The following LRCH4 variants were observed in gnomAD, a reference collection of about 807,000 sequenced individuals.
LRCH4 encodes leucine-rich repeat and calponin homology domain-containing protein 4.
In LRCH4, 56 loss-of-function variants were observed where a neutral mutation model predicts 81.2. The ratio of observed to expected loss-of-function variants is 0.69; its 90% CI spans 0.56 to 0.86. LRCH4 has a LOEUF of 0.86. LRCH4 is among the 40% of genes least tolerant of loss of function. The pLI, the probability that LRCH4 is intolerant of heterozygous loss-of-function variation, is 0.00. For synonymous variants in LRCH4, 442 were observed against 409.7 expected (o/e 1.08, Z -0.95); for missense variants, 895 against 922.8 (o/e 0.97, Z 0.39).
At chr7:100,580,743 C>T (rs1250102485) in intron 4 of LRCH4, 2 of 152,174 alleles carry the variant, frequency 1.3e-5, no homozygotes, top group Non-Finnish European at 2.9e-5. Flanking sequence ...CACACGCACA[C>T]ACACGACATA....
In LRCH4 at chr7:100,577,976, G is replaced by A; in HGVS notation, c.949-64C>T. 1 of 1,432,124 alleles carries A rather than the reference G, an allele frequency of 7.0e-7. No homozygotes were observed. The highest frequency in any genetic ancestry group is 9.8e-7 in the Non-Finnish European group (1 of 1,023,182). 88.7% of individuals were successfully genotyped at this position (1,432,124 alleles called of 1,614,324 possible). On this transcript the variant is annotated intron_variant, in intron 7 of 17. Transcript: ENST00000310300. This position sits in a 1 kb window ranked among gnomAD's most constrained non-coding sequence, Gnocchi z 6.7. ...GTACATGGGGGCTCAGGACCTGGGGGGTCCTGTGTGGGACTAAGCTCAGGG... is the reference window on the plus strand; with the variant it reads ...GTACATGGGGGCTCAGGACCTGGGGAGTCCTGTGTGGGACTAAGCTCAGGG...
chr7:100,576,077 G>C, intron 15 of LRCH4, 69 bp from the exon 16 acceptor site: 1 of 1,531,440 alleles, frequency 6.5e-7, no homozygotes, highest in Non-Finnish European at 8.8e-7. Context: ...GGAGAGTGGG[G>C]GGCTCAGGGC....
chr7:100,585,590 G>A (rs1178579412), intron 1 of LRCH4, among the ~76,000 whole-genome samples: 2 of 152,128 alleles, frequency 1.3e-5, no homozygotes, highest in Non-Finnish European at 2.9e-5. Context: ...AAGCCAACCA[G>A]GTGAGGGGCG....
At position 100,586,112 on chromosome 7, in the gene LRCH4, G is replaced by C. The variant is rs1341601963; in HGVS notation, c.-12C>G. 7 of 1,509,878 alleles carry C rather than the reference G, an allele frequency of 4.6e-6. No homozygotes were observed. Among genetic ancestry groups the C allele is most frequent in the African/African-American group, 1.4e-5 (1 of 71,424 alleles). 93.5% of individuals were successfully genotyped at this position (1,509,878 alleles called of 1,614,324 possible). A position where few individuals can be genotyped will look rare whatever the true frequency, so the allele number is the denominator to read the frequency against. ...ACGGCCGCCGCCATCCGCTCCCGGC[G>C]GCTCCCGCTGCCTGACTGACGGGAC... On this transcript the variant is annotated 5_prime_UTR_variant, in exon 1 of 18. Transcript: ENST00000310300.
rs893024206 is a variant in LRCH4 at position 100,586,089 on chromosome 7, G to T, written c.12C>A (p.Ala4=). 6 of 1,529,280 alleles carry T rather than the reference G, an allele frequency of 3.9e-6. No homozygotes were observed. The highest frequency in any genetic ancestry group is 2.8e-5 in the African/African-American group (2 of 71,842). 94.7% of individuals were successfully genotyped at this position (1,529,280 alleles called of 1,614,324 possible). A position where few individuals can be genotyped will look rare whatever the true frequency, so the allele number is the denominator to read the frequency against. MAA[A]VAAPLAAGGE... ...CCCCGGCGGCGAGTGGAGCCGCTACGGCCGCCGCCATCCGCTCCCGGCGGC... is the reference window on the plus strand; with the variant it reads ...CCCCGGCGGCGAGTGGAGCCGCTACTGCCGCCGCCATCCGCTCCCGGCGGC... Residue 4 remains alanine, a synonymous_variant, in exon 1 of 18, where the codon GCC becomes GCA. Coordinates refer to ENST00000310300, the MANE Select transcript of LRCH4 (RefSeq NM_002319.5).
At position 100,576,946 on chromosome 7, in the gene LRCH4, G is replaced by A. The variant is rs1448246272; in HGVS notation, c.1424C>T (p.Ala475Val). The A allele has an allele frequency of 6.3e-7, 1 of 1,576,654 alleles. No homozygotes were observed. The stretch of plus-strand genomic sequence containing the variant: ...GGGCTCTTGGGAGGCAGGGGCAGGG[G>A]CGGGGGCTCCCTGCCCCGCTGCAGC... ...AGAAAGQGAP[A>V]PAPASQEPLP... Residue 475 changes from alanine to valine, a missense_variant, in exon 13 of 18, where the codon GCC (alanine) becomes GTC (valine). Coordinates refer to ENST00000310300, the MANE Select transcript of LRCH4 (RefSeq NM_002319.5).
In LRCH4 at chr7:100,578,121, C is replaced by A; in HGVS notation, c.948+38G>T. On this transcript the variant is annotated intron_variant, in intron 7 of 17. Coordinates refer to ENST00000310300, the MANE Select transcript of LRCH4 (RefSeq NM_002319.5). This position sits in a 1 kb window ranked among gnomAD's most constrained non-coding sequence, Gnocchi z 5.7. ...CCAGTTCAGAGGTGCTCTCCCAGGGCTGACACCCTCAATCACCCATGGACA... is the reference window on the plus strand; with the variant it reads ...CCAGTTCAGAGGTGCTCTCCCAGGGATGACACCCTCAATCACCCATGGACA... 1.3e-6 allele frequency: 2 copies of A among 1,591,148 alleles called. No homozygotes were observed. Among genetic ancestry groups the A allele is most frequent in the Non-Finnish European group, 1.7e-6 (2 of 1,159,126 alleles).
intron 1 of LRCH4, chr7:100,584,574 G>C (rs1333043363): frequency 5.0e-6 from 2 of 403,870 alleles, no homozygotes; most frequent in African/African-American, 4.1e-5. Context: ...AACAGACAGT[G>C]AGTGTCACAC....
rs770439567 is a variant in LRCH4 at position 100,577,554 on chromosome 7, T to A, written c.1121A>T (p.Gln374Leu). 6.2e-7 allele frequency: 1 copy of A among 1,610,962 alleles called. No individual in the cohort carries two copies. Among genetic ancestry groups the A allele is most frequent in the South Asian group, 1.1e-5 (1 of 91,080 alleles). Reference protein sequence around the residue: ...EDEERGTVEEQRPPELSPGAG... With the variant: ...EDEERGTVEELRPPELSPGAG... ...CCCAGGGCTTAATTCGGGTGGTCGC[T>A]GCTCCTAAGGAGAGAACAGCAGAGC... is the stretch of plus-strand genomic sequence containing the variant. Residue 374 changes from glutamine to leucine, a missense_variant, in exon 10 of 18, where the codon CAG (glutamine) becomes CTG (leucine). Physicochemically the swap from Gln to Leu is moderately radical, Grantham distance 113. This residue lies in a region of LRCH4 where 529 missense variants were observed against 504.9 expected (regional missense o/e 1.05). Transcript: ENST00000310300. This position sits in a 1 kb window ranked among gnomAD's most constrained non-coding sequence, Gnocchi z 6.7.
At chr7:100,585,851 C>T (rs1801723572) in intron 1 of LRCH4, 30 bp downstream of exon 1, 2 of 1,532,238 alleles carry the variant, frequency 1.3e-6, no homozygotes, top group East Asian at 2.4e-5. Context: ...ATGAGGGACC[C>T]GGTTGGGCCC....
Position 100,586,129 on chromosome 7 carries a change from T to A in LRCH4, c.-29A>T, listed in dbSNP as rs764879482. 4 of 1,494,472 alleles carry A rather than the reference T, an allele frequency of 2.7e-6. No individual in the cohort carries two copies. In the South Asian group the frequency reaches 5.2e-5, roughly 19 times the overall value. 92.6% of individuals were successfully genotyped at this position (1,494,472 alleles called of 1,614,324 possible). On this transcript the variant is annotated 5_prime_UTR_variant, in exon 1 of 18. Coordinates refer to ENST00000310300, the MANE Select transcript of LRCH4 (RefSeq NM_002319.5). Reference sequence around the variant, plus strand: ...CTCCCGGCGGCTCCCGCTGCCTGACTGACGGGACCGGCCGTCCCTCCTTCC... The same window carrying A: ...CTCCCGGCGGCTCCCGCTGCCTGACAGACGGGACCGGCCGTCCCTCCTTCC...
chr7:100,575,493 G>T lies in LRCH4; in HGVS notation c.1855-189C>A. On this transcript the variant is annotated intron_variant, in intron 17 of 17. Transcript: ENST00000310300. This position sits in a 1 kb window ranked among gnomAD's most constrained non-coding sequence, Gnocchi z 5.3. ...GCATGTGCAGGACAGGTGACATGCA[G>T]GACAAGATGGGGCCTGCAGGGCAGG... 1 of 825,074 alleles carries T rather than the reference G, an allele frequency of 1.2e-6. No individual in the cohort carries two copies. Among genetic ancestry groups the T allele is most frequent in the East Asian group, 2.6e-5 (1 of 38,846 alleles). 51.1% of individuals were successfully genotyped at this position (825,074 alleles called of 1,614,324 possible).
Position 100,576,705 on chromosome 7 carries a change from T to C in LRCH4, c.1541A>G (p.Gln514Arg). The C allele has an allele frequency of 6.3e-7, 1 of 1,591,936 alleles. No individual in the cohort carries two copies. The highest frequency in any genetic ancestry group is 8.6e-7 in the Non-Finnish European group (1 of 1,169,114). The change falls in exon 14 of 18, where the codon CAG becomes CGG. Residue 514 changes from glutamine (Q) to arginine (R), a missense_variant. By Grantham distance (43) the Gln-to-Arg change is conservative. Coordinates refer to ENST00000310300, the MANE Select transcript of LRCH4 (RefSeq NM_002319.5). Reference sequence around the variant, plus strand: ...GGCAGGACACCCACCTGAGCCACTCTGAGAGGAGGAACGGAAGAGGAAGCT... The same window carrying C: ...GGCAGGACACCCACCTGAGCCACTCCGAGAGGAGGAACGGAAGAGGAAGCT... ...PNSFLFRSSS[Q>R]SGSGPSSPDS...
Position 100,586,128 on chromosome 7 carries a change from C to G in LRCH4, c.-28G>C. The G allele has an allele frequency of 6.7e-7, 1 of 1,494,170 alleles. No homozygotes were observed. Among genetic ancestry groups the G allele is most frequent in the South Asian group, 1.3e-5 (1 of 77,408 alleles). The allele number at this position is 1,494,170 out of a possible 1,614,324, so 92.6% of individuals were successfully genotyped here. A position where few individuals can be genotyped will look rare whatever the true frequency, so the allele number is the denominator to read the frequency against. ...GCTCCCGGCGGCTCCCGCTGCCTGA[C>G]TGACGGGACCGGCCGTCCCTCCTTC... On this transcript the variant is annotated 5_prime_UTR_variant, in exon 1 of 18. Coordinates refer to ENST00000310300, the MANE Select transcript of LRCH4 (RefSeq NM_002319.5).
chr7:100,579,695 A>C (rs1489108327), intron 4 of LRCH4: 1 of 151,990 alleles, frequency 6.6e-6, no homozygotes, highest in Non-Finnish European at 1.5e-5. Flanking sequence ...AGGCTTCCAC[A>C]ACCTGGCTCC....
intron 4 of LRCH4, 28 bp downstream of exon 4, chr7:100,581,749 C>T (rs1369555859): frequency 6.2e-7 from 1 of 1,605,630 alleles, no homozygotes; most frequent in African/African-American, 1.3e-5. Context: ...ATACAAACAC[C>T]TCCTCTCCAG....
chr7:100,581,427 C>T (rs971640072), intron 4 of LRCH4, among the ~76,000 whole-genome samples: 1 of 152,174 alleles, frequency 6.6e-6, no homozygotes, highest in African/African-American at 2.4e-5. Context: ...TCCTAACCCC[C>T]AAAGTGATGG....
rs368512611 is a variant in LRCH4, at chr7:100,577,254, G to T, written c.1295+19C>A. The T allele has an allele frequency of 6.2e-7, 1 of 1,602,932 alleles. No individual in the cohort carries two copies. The highest frequency in any genetic ancestry group is 8.5e-7 in the Non-Finnish European group (1 of 1,178,696). ...GGGCTCAGTGTCCAGCAACAGCCCC[G>T]GGCGGCCCTGGGTCCCACCTATCCT... On this transcript the variant is annotated intron_variant, in intron 11 of 17. Transcript: ENST00000310300. The surrounding 1 kb of genome is among the most constrained non-coding windows in gnomAD (Gnocchi z 6.7).
chr7:100,574,796 A>G lies in LRCH4; in HGVS notation c.*311T>C. On this transcript the variant is annotated 3_prime_UTR_variant, in exon 18 of 18. Coordinates refer to ENST00000310300, the MANE Select transcript of LRCH4 (RefSeq NM_002319.5). ...TGTTGGGGGGGGAAGGGGAGGGCAC[A>G]GGAGGAAGGGGGAGACTCCAGCTCC... The G allele has an allele frequency of 3.2e-6, 1 of 315,594 alleles. No individual in the cohort carries two copies. Among genetic ancestry groups the G allele is most frequent in the Admixed American group, 4.5e-5 (1 of 22,230 alleles). 19.5% of individuals were successfully genotyped at this position (315,594 alleles called of 1,614,324 possible). A position where few individuals can be genotyped will look rare whatever the true frequency, so the allele number is the denominator to read the frequency against.
Sources: gnomAD v4.1 joint callset for allele counts (sites outside exome capture counted in the v4.1 genomes callset) on GRCh38, gnomAD v4.1.1 for gene constraint, gnomAD v4.1.1 regional missense constraint, Gnocchi (gnomAD v3.1) non-coding constraint, MANE v1.5 for transcripts, NCBI Gene and HGNC (gene_info 2026-07-23, HGNC 2026-07-21) for gene names.